The following STX7 variants were observed in gnomAD, a reference collection of about 807,000 sequenced individuals.
The protein encoded by STX7 is syntaxin-7.
In STX7, 34 loss-of-function variants were observed where a neutral mutation model predicts 39.6. The ratio of observed to expected loss-of-function variants is 0.86; its 90% CI spans 0.65 to 1.14. The LOEUF is 1.14. Among genes scored for constraint, STX7 ranks in the 50% most tolerant of loss-of-function variants. STX7 has a pLI of 0.00. For missense variants in STX7, 284 were observed against 310.4 expected, an observed-to-expected ratio of 0.92 and a Z score of 0.64; for synonymous variants, 119 against 99.1, an observed-to-expected ratio of 1.20 and a Z score of -1.19.
At position 132,500,656 on chromosome 6, in the gene STX7, C is replaced by T. The variant is rs114408649; in HGVS notation, c.85+2790G>A. ...GCAGGACCTTATAGATTGTTTACTG[C>T]TACATTCCTACAGTTTGGAACAGTA... is the stretch of plus-strand genomic sequence containing the variant. On this transcript the variant is annotated intron_variant, in intron 2 of 9. Coordinates refer to ENST00000367941, the MANE Select transcript of STX7 (RefSeq NM_003569.3). Among the ~76,000 whole-genome samples, 841 of 152,324 alleles carry T rather than the reference C, an allele frequency of 5.5e-3. 8 individuals carry two copies. The highest frequency in any genetic ancestry group is 0.019 in the African/African-American group (803 of 41,564).
chr6:132,504,383 C>T (rs1451515582), intron 1 of STX7, among the ~76,000 whole-genome samples: 2 of 152,194 alleles, frequency 1.3e-5, no homozygotes, highest in African/African-American at 4.8e-5. Context: ...CACTGAGATA[C>T]TGCCACAGGA....
At chr6:132,479,591 C>G (rs186797979) in intron 2 of STX7, among the ~76,000 whole-genome samples, 89 of 152,216 alleles carry the variant, frequency 5.8e-4, no homozygotes, top group African/African-American at 2.1e-3. Flanking sequence ...TATCCCTCAC[C>G]CCAACTCCTG....
At chr6:132,482,977 G>GA (rs893594625) in intron 2 of STX7, among the ~76,000 whole-genome samples, 3,557 of 139,976 alleles carry the variant, frequency 0.025, 125 homozygotes, top group African/African-American at 0.085. Context: ...TAACAAAAAA[G>GA]AAAAAAAAAA....
intron 1 of STX7, among the ~76,000 whole-genome samples, chr6:132,505,397 TG>T (rs1775672849): frequency 6.6e-6 from 1 of 152,206 alleles, no homozygotes; most frequent in South Asian, 2.1e-4. Flanking sequence ...GTTCTATGCC[TG>T]GAACTCTGGT....
intron 8 of STX7, among the ~76,000 whole-genome samples, chr6:132,467,852 A>G (rs1774600201): frequency 6.6e-6 from 1 of 152,246 alleles, no homozygotes. Flanking sequence ...ATGCTATTAC[A>G]TTCAATACTT....
intron 2 of STX7, among the ~76,000 whole-genome samples, chr6:132,479,258 A>G (rs1774953961): frequency 6.6e-6 from 1 of 152,202 alleles, no homozygotes. Flanking sequence ...CCAAAAAGAA[A>G]AGACCATCCA....
intron 8 of STX7, among the ~76,000 whole-genome samples, chr6:132,465,104 T>G (rs756592814): frequency 3.2e-4 from 49 of 152,206 alleles, no homozygotes; most frequent in Non-Finnish European, 6.5e-4. Flanking sequence ...TACTGGTGAC[T>G]TCAAGATCCA....
At position 132,446,952 on chromosome 6, in the gene STX7, C is replaced by T. The variant is rs958440933; in HGVS notation, c.*13806G>A. Reference sequence around the variant, plus strand: ...GAGAGACAGTACTCTAAAAGAAGGCCTAGGAGCCATGAATAACTGCCGAGG... The same window carrying T: ...GAGAGACAGTACTCTAAAAGAAGGCTTAGGAGCCATGAATAACTGCCGAGG... On this transcript the variant is annotated 3_prime_UTR_variant, in exon 10 of 10. Coordinates refer to ENST00000367941, the MANE Select transcript of STX7 (RefSeq NM_003569.3). 1 of 152,084 alleles carries T rather than the reference C, an allele frequency of 6.6e-6. No individual in the cohort carries two copies. The highest frequency in any genetic ancestry group is 1.5e-5 in the Non-Finnish European group (1 of 68,010). 9.4% of individuals were successfully genotyped at this position (152,084 alleles called of 1,614,324 possible).
At chr6:132,473,520 G>GTTTTTTTTTTTT (rs398066285) in intron 3 of STX7, among the ~76,000 whole-genome samples, 1 of 136,294 alleles carries the variant, frequency 7.3e-6, no homozygotes, top group Non-Finnish European at 1.6e-5. Flanking sequence ...TTATTGTGTT[G>GTTTTTTTTTTTT]TTTTTTTTTT....
rs1214708855 is a variant in STX7 at position 132,449,506 on chromosome 6, A to G, written c.*11252T>C. ...TCTATTTTTTACTTCTTAGACTCCA[A>G]TCAGCACATATTAAACCTTCCCATT... On this transcript the variant is annotated 3_prime_UTR_variant, in exon 10 of 10. Transcript: ENST00000367941. 2.0e-5 allele frequency: 3 copies of G among 152,062 alleles called. No individual in the cohort carries two copies. Among genetic ancestry groups the G allele is most frequent in the Admixed American group, 6.6e-5 (1 of 15,246 alleles). The allele number at this position is 152,062 out of a possible 1,614,324, so 9.4% of individuals were successfully genotyped here. A position where few individuals can be genotyped will look rare whatever the true frequency, so the allele number is the denominator to read the frequency against.
rs3734746 is a variant in STX7 at position 132,457,209 on chromosome 6, C to G, written c.*3549G>C. ...AAAACACTTTACACTTATAATCCAT[C>G]AAGTGGTTTCTGTTTTTCTAACTGA... On this transcript the variant is annotated 3_prime_UTR_variant, in exon 10 of 10. Coordinates refer to ENST00000367941, the MANE Select transcript of STX7 (RefSeq NM_003569.3). 3.3e-5 allele frequency: 5 copies of G among 152,352 alleles called. No homozygotes were observed. The East Asian group carries it at 9.6e-4, about 29-fold the overall frequency. The allele number at this position is 152,352 out of a possible 1,614,324, so 9.4% of individuals were successfully genotyped here.
chr6:132,495,832 G>A (rs903632713), intron 2 of STX7, among the ~76,000 whole-genome samples: 5 of 152,140 alleles, frequency 3.3e-5, no homozygotes, highest in African/African-American at 1.2e-4. Flanking sequence ...GGGGACAGGA[G>A]CCATGCACCA....
chr6:132,481,075 C>T (rs1775004026), intron 2 of STX7, among the ~76,000 whole-genome samples: 2 of 152,090 alleles, frequency 1.3e-5, no homozygotes, highest in Admixed American at 6.6e-5. Flanking sequence ...CTGAATAGAC[C>T]TCAGTTTTAT....
chr6:132,484,344 T>G (rs986086592), intron 2 of STX7, among the ~76,000 whole-genome samples: 1 of 152,172 alleles, frequency 6.6e-6, no homozygotes, highest in Non-Finnish European at 1.5e-5. Flanking sequence ...GTGGGTCTGC[T>G]GCCATCTAGT....
At chr6:132,494,375 T>A (rs1199344911) in intron 2 of STX7, among the ~76,000 whole-genome samples, 3 of 151,638 alleles carry the variant, frequency 2.0e-5, no homozygotes, top group Non-Finnish European at 4.4e-5. Context: ...AGTAGGAAAG[T>A]AAAAAAATAA....
rs1443837726 is a variant in STX7 at position 132,475,585 on chromosome 6, A to C, written c.155+8T>G. On this transcript the variant is annotated splice_region_variant and intron_variant, in intron 3 of 9. Coordinates refer to ENST00000367941, the MANE Select transcript of STX7 (RefSeq NM_003569.3). ...CTTTCTCTTTTATTTATTTAACTAGATACTTACAACTGTTGCCTCAATTCA... is the reference window on the plus strand; with the variant it reads ...CTTTCTCTTTTATTTATTTAACTAGCTACTTACAACTGTTGCCTCAATTCA... 2 of 1,584,024 alleles carry C rather than the reference A, an allele frequency of 1.3e-6. No homozygotes were observed. The highest frequency in any genetic ancestry group is 4.5e-5 in the East Asian group (2 of 44,406).
chr6:132,473,084 G>A (rs1582654679), intron 3 of STX7, among the ~76,000 whole-genome samples: 1 of 152,174 alleles, frequency 6.6e-6, no homozygotes, highest in East Asian at 1.9e-4. Context: ...ACTTGAACAT[G>A]GGAGGTGGAG....
At chr6:132,497,144 T>A (rs1289731324) in intron 2 of STX7, among the ~76,000 whole-genome samples, 1 of 152,114 alleles carries the variant, frequency 6.6e-6, no homozygotes. Flanking sequence ...GCATTGTTCA[T>A]CCTAGCAAAA....
At chr6:132,485,732 A>G (rs149949904) in intron 2 of STX7, among the ~76,000 whole-genome samples, 13 of 152,280 alleles carry the variant, frequency 8.5e-5, no homozygotes, top group Non-Finnish European at 1.6e-4. Flanking sequence ...CCGTGCTTTT[A>G]ATTTGTATTT....
Sources: allele counts gnomAD v4.1 joint callset (sites outside exome capture counted in the v4.1 genomes callset), GRCh38; gene constraint gnomAD v4.1.1; transcripts MANE v1.5; gene names NCBI Gene and HGNC (gene_info 2026-07-23, HGNC 2026-07-21).